SUFU: variants seen among roughly 807,000 people sequenced by gnomAD.
SUFU encodes the protein SUFU negative regulator of hedgehog signaling.
Under a neutral mutation model 58.9 loss-of-function variants are expected in SUFU, and 7 were observed. The observed-to-expected ratio is 0.12, with a 90% CI of 0.07 to 0.22. The LOEUF is 0.22. Ranked by LOEUF, SUFU falls within the 10% of genes least tolerant of loss-of-function variation. The pLI is 1.00. For missense variants in SUFU, 451 were observed against 641.3 expected (o/e 0.70, Z 3.20); for synonymous variants, 232 against 254.8 (o/e 0.91, Z 0.85).
intron 2 of SUFU, among the ~76,000 whole-genome samples, chr10:102,543,748 C>T (rs1487166777): frequency 1.3e-5 from 2 of 152,136 alleles, no homozygotes; most frequent in African/African-American, 4.8e-5. Context: ...TCTTTTGTGA[C>T]TGGCTTTCTT....
At chr10:102,598,650 C>G (rs4917975) in intron 7 of SUFU, among the ~76,000 whole-genome samples, 68,617 of 151,718 alleles carry the variant, frequency 0.45, 15,860 homozygotes, top group East Asian at 0.68. Flanking sequence ...ATCCATTCCA[C>G]TGTAACAAGT....
intron 2 of SUFU, among the ~76,000 whole-genome samples, chr10:102,513,863 C>T (rs1047094789): frequency 1.3e-5 from 2 of 152,150 alleles, no homozygotes; most frequent in African/African-American, 4.8e-5. Flanking sequence ...GTTATCCTCT[C>T]CTTTTTTAAA....
At chr10:102,554,929 A>C (rs1388397803) in intron 3 of SUFU, among the ~76,000 whole-genome samples, 1 of 152,226 alleles carries the variant, frequency 6.6e-6, no homozygotes, top group Non-Finnish European at 1.5e-5. Flanking sequence ...CGCAGTAAGT[A>C]CTATGTTTTA....
intron 2 of SUFU, among the ~76,000 whole-genome samples, chr10:102,540,336 T>G (rs933599076): frequency 2.0e-5 from 3 of 152,158 alleles, no homozygotes; most frequent in Admixed American, 6.5e-5. Flanking sequence ...GAATTCATAC[T>G]GATACCTCCA....
intron 2 of SUFU, among the ~76,000 whole-genome samples, chr10:102,542,034 G>T (rs535899133): frequency 7.9e-5 from 12 of 151,350 alleles, no homozygotes; most frequent in African/African-American, 2.4e-4. Flanking sequence ...ACAGGCATGC[G>T]CCACCATGCC....
intron 9 of SUFU, 53 bp downstream of exon 9, chr10:102,615,455 T>G: frequency 1.2e-6 from 2 of 1,613,234 alleles, no homozygotes; most frequent in Non-Finnish European, 1.7e-6. Context: ...CAGCTCAGCC[T>G]CCAGGGGGCA....
chr10:102,589,676 C>T (rs2063375410), intron 3 of SUFU, among the ~76,000 whole-genome samples: 2 of 151,638 alleles, frequency 1.3e-5, no homozygotes. Flanking sequence ...AGACTCCTGA[C>T]CTCAGGTGGT....
intron 8 of SUFU, 112 bp downstream of exon 8, chr10:102,599,656 C>A: frequency 1.1e-6 from 1 of 933,016 alleles, no homozygotes; most frequent in Non-Finnish European, 1.7e-6. Context: ...GCTGGATGGG[C>A]CCAGGATCTC....
At chr10:102,570,919 C>G (rs976836729) in intron 3 of SUFU, among the ~76,000 whole-genome samples, 1 of 152,030 alleles carries the variant, frequency 6.6e-6, no homozygotes, top group Admixed American at 6.6e-5. Context: ...TGAATAGCAA[C>G]TGTTTAATTT....
intron 3 of SUFU, among the ~76,000 whole-genome samples, chr10:102,554,412 A>G (rs1387754259): frequency 6.6e-6 from 1 of 152,150 alleles, no homozygotes; most frequent in African/African-American, 2.4e-5. Context: ...TCAAAACAAA[A>G]CAAAGCAAAA....
intron 3 of SUFU, among the ~76,000 whole-genome samples, chr10:102,570,611 C>G (rs1447373990): frequency 6.6e-6 from 1 of 152,054 alleles, no homozygotes; most frequent in African/African-American, 2.4e-5. Context: ...TTCTTGCAAA[C>G]AAGTCCTTCC....
At chr10:102,547,450 G>C (rs1486025558) in intron 2 of SUFU, among the ~76,000 whole-genome samples, 1 of 152,188 alleles carries the variant, frequency 6.6e-6, no homozygotes, top group African/African-American at 2.4e-5. Flanking sequence ...AAAATTCCAC[G>C]TGTGTACCCT....
At chr10:102,524,117 C>T (rs7078511) in intron 2 of SUFU, among the ~76,000 whole-genome samples, 1 of 151,712 alleles carries the variant, frequency 6.6e-6, no homozygotes, top group Non-Finnish European at 1.5e-5. Context: ...GGAAATCCTG[C>T]ACCCTCCTCC....
At chr10:102,599,649 G>A in intron 8 of SUFU, 105 bp downstream of exon 8, 1 of 988,448 alleles carries the variant, frequency 1.0e-6, no homozygotes, top group Non-Finnish European at 1.6e-6. Context: ...AGCCCTTGCT[G>A]GATGGGCCCA....
At chr10:102,518,005 A>G (rs2062494250) in intron 2 of SUFU, among the ~76,000 whole-genome samples, 1 of 152,188 alleles carries the variant, frequency 6.6e-6, no homozygotes, top group African/African-American at 2.4e-5. Flanking sequence ...AGAAGATGAC[A>G]GTGAGGATTG....
chr10:102,602,244 T>C (rs1230590000), intron 8 of SUFU, among the ~76,000 whole-genome samples: 1 of 152,192 alleles, frequency 6.6e-6, no homozygotes, highest in African/African-American at 2.4e-5. Context: ...TTTTCCAAGG[T>C]TGGAAAGGGG....
At chr10:102,607,337 C>T (rs1191885310) in intron 8 of SUFU, among the ~76,000 whole-genome samples, 1 of 152,138 alleles carries the variant, frequency 6.6e-6, no homozygotes, top group Non-Finnish European at 1.5e-5. Context: ...GCATGAGCCG[C>T]CACGCCCAGC....
At chr10:102,565,197 T>A (rs1193155784) in intron 3 of SUFU, among the ~76,000 whole-genome samples, 1 of 152,220 alleles carries the variant, frequency 6.6e-6, no homozygotes, top group Admixed American at 6.5e-5. Flanking sequence ...AAGAATGATA[T>A]GGCCCTCAAA....
At chr10:102,599,661 G>C in intron 8 of SUFU, 117 bp downstream of exon 8, 2 of 906,928 alleles carry the variant, frequency 2.2e-6, no homozygotes, top group Non-Finnish European at 3.5e-6. Flanking sequence ...ATGGGCCCAG[G>C]ATCTCTAGGC....
Sources: allele counts gnomAD v4.1 joint callset (sites outside exome capture counted in the v4.1 genomes callset), GRCh38; gene constraint gnomAD v4.1.1; transcripts MANE v1.5; gene names NCBI Gene and HGNC (gene_info 2026-07-23, HGNC 2026-07-21).